Variants in SLC28A2 observed in about 807,000 individuals in gnomAD.
The protein encoded by SLC28A2 is sodium/nucleoside cotransporter 2.
Under a neutral mutation model 72.9 loss-of-function variants are expected in SLC28A2, and 69 were observed. The observed-to-expected ratio is 0.95, with a 90% CI of 0.78 to 1.16. The LOEUF is 1.16. Among genes scored for constraint, SLC28A2 ranks in the 50% most tolerant of loss-of-function variants. The pLI is 0.00. For missense variants in SLC28A2, 745 were observed against 791.1 expected, an observed-to-expected ratio of 0.94 and a Z score of 0.70; for synonymous variants, 296 against 294.1, an observed-to-expected ratio of 1.01 and a Z score of -0.07.
chr15:45,275,162 C>T lies in SLC28A2; in HGVS notation c.1860-234C>T, dbSNP rs544388938. On this transcript the variant is annotated intron_variant, in intron 17 of 17. Transcript: ENST00000347644. ...GGATATCTGGAAATTTCCAAATGGACTATGGTTAGGAGTTGCGCAAAGGAA... is the reference window on the plus strand; with the variant it reads ...GGATATCTGGAAATTTCCAAATGGATTATGGTTAGGAGTTGCGCAAAGGAA... Among the ~76,000 whole-genome samples, 3 of 152,226 alleles carry T rather than the reference C, an allele frequency of 2.0e-5. No homozygotes were observed. In the South Asian group the frequency reaches 6.2e-4, roughly 32 times the overall value.
At position 45,275,671 on chromosome 15, in the gene SLC28A2, C is replaced by G. The variant is rs1168139896; in HGVS notation, c.*158C>G. The G allele has an allele frequency of 4.7e-6, 3 of 638,720 alleles. No homozygotes were observed. The South Asian group carries it at 5.6e-5, about 12-fold the overall frequency. 39.6% of individuals were successfully genotyped at this position (638,720 alleles called of 1,614,324 possible). On this transcript the variant is annotated 3_prime_UTR_variant, in exon 18 of 18. Coordinates refer to ENST00000347644, the MANE Select transcript of SLC28A2 (RefSeq NM_004212.4). ...TCATTTTGGGCCGGGCTCAGTGGCT[C>G]ATGCCTGTAATCCCAGCACTTTGGG... is the stretch of plus-strand genomic sequence containing the variant.
At chr15:45,271,616 G>GGAAGGAAGGAAGGAAT (rs1220303624) in intron 15 of SLC28A2, among the ~76,000 whole-genome samples, 18 of 151,118 alleles carry the variant, frequency 1.2e-4, no homozygotes, top group African/African-American at 4.4e-4. Flanking sequence ...AAGGAAGGAA[G>GGAAGGAAGGAAGGAAT]GAATCTTAGA....
At chr15:45,272,139 T>C in intron 15 of SLC28A2, 156 bp from the exon 16 acceptor site, 2 of 611,868 alleles carry the variant, frequency 3.3e-6, no homozygotes, top group South Asian at 4.0e-5. Context: ...ACACACTTCT[T>C]AGGGCAACAC....
At chr15:45,263,293 C>T (rs1256794532) in intron 5 of SLC28A2, 49 bp downstream of exon 5, 3 of 1,559,968 alleles carry the variant, frequency 1.9e-6, no homozygotes, top group Non-Finnish European at 2.6e-6. Flanking sequence ...CCCAGCCCAC[C>T]TCCTTTTTTC....
At chr15:45,262,855 G>C (rs1322928497) in intron 4 of SLC28A2, among the ~76,000 whole-genome samples, 1 of 152,224 alleles carries the variant, frequency 6.6e-6, no homozygotes, top group African/African-American at 2.4e-5. Flanking sequence ...CATTAAGTCA[G>C]ACTGTCCTTG....
At chr15:45,274,964 G>T (rs1900704448) in intron 17 of SLC28A2, among the ~76,000 whole-genome samples, 2 of 152,070 alleles carry the variant, frequency 1.3e-5, no homozygotes, top group Admixed American at 1.3e-4. Context: ...TGGCATTTTG[G>T]TGGATTTTCT....
chr15:45,276,818 A>G lies in SLC28A2; in HGVS notation c.*1305A>G, dbSNP rs1900767910. On this transcript the variant is annotated 3_prime_UTR_variant, in exon 18 of 18. Coordinates refer to ENST00000347644, the MANE Select transcript of SLC28A2 (RefSeq NM_004212.4). Reference sequence around the variant, plus strand: ...TTTGTAAATCTGCAAACTTCTTAACAACATTACACAGTAAACAAAAAATAC... The same window carrying G: ...TTTGTAAATCTGCAAACTTCTTAACGACATTACACAGTAAACAAAAAATAC... 6.6e-6 allele frequency: 1 copy of G among 152,226 alleles called. No homozygotes were observed. The highest frequency in any genetic ancestry group is 2.4e-5 in the African/African-American group (1 of 41,454). 9.4% of individuals were successfully genotyped at this position (152,226 alleles called of 1,614,324 possible). A position where few individuals can be genotyped will look rare whatever the true frequency, so the allele number is the denominator to read the frequency against.
intron 16 of SLC28A2, 107 bp downstream of exon 16, chr15:45,272,500 C>G (rs1900606738): frequency 1.1e-6 from 1 of 920,522 alleles, no homozygotes. Flanking sequence ...ACAAAGATTA[C>G]TTCCCTAGAT....
chr15:45,266,359 G>A (rs968058661), intron 10 of SLC28A2, among the ~76,000 whole-genome samples, 198 bp downstream of exon 10: 4 of 152,060 alleles, frequency 2.6e-5, no homozygotes, highest in African/African-American at 9.7e-5. Context: ...ATACTTCCCT[G>A]GTAATACTTA....
intron 17 of SLC28A2, among the ~76,000 whole-genome samples, chr15:45,274,807 C>T (rs114268483): frequency 0.034 from 5,120 of 151,238 alleles, 306 homozygotes; most frequent in African/African-American, 0.12. Context: ...TGCAGTGGCA[C>T]AATCTTGGCC....
intron 15 of SLC28A2, 22 bp downstream of exon 15, chr15:45,270,298 G>C: frequency 6.5e-7 from 1 of 1,546,842 alleles, no homozygotes; most frequent in Non-Finnish European, 8.9e-7. Context: ...CATTTTCCCA[G>C]CTCCCCAGTA....
At chr15:45,273,195 T>C (rs1313058566) in intron 17 of SLC28A2, among the ~76,000 whole-genome samples, 5 of 152,158 alleles carry the variant, frequency 3.3e-5, no homozygotes, top group Non-Finnish European at 7.3e-5. Flanking sequence ...AAATTACTTA[T>C]TGTGATTGGA....
chr15:45,272,142 G>A (rs1900592227), intron 15 of SLC28A2, 153 bp from the exon 16 acceptor site: 2 of 617,042 alleles, frequency 3.2e-6, no homozygotes, highest in Admixed American at 5.5e-5. Flanking sequence ...CACTTCTTAG[G>A]GCAACACTGG....
At position 45,263,125 on chromosome 15, in the gene SLC28A2, C is replaced by G; in HGVS notation, c.327C>G (p.Val109=). 6.2e-7 allele frequency: 1 copy of G among 1,613,960 alleles called. No homozygotes were observed. Among genetic ancestry groups the G allele is most frequent in the Non-Finnish European group, 8.5e-7 (1 of 1,179,856 alleles). ...LNFQRALALF[V]ITCLVIFVLV... ...TCCAGAGGGCACTGGCCTTGTTTGTCATCACCTGCTTGGTGATCTTTGTCC... is the reference window on the plus strand; with the variant it reads ...TCCAGAGGGCACTGGCCTTGTTTGTGATCACCTGCTTGGTGATCTTTGTCC... The change falls in exon 5 of 18, where the codon GTC becomes GTG. Residue 109 remains valine (V), a synonymous_variant. Transcript: ENST00000347644.
chr15:45,273,979 T>TG (rs1900671495), intron 17 of SLC28A2, among the ~76,000 whole-genome samples: 1 of 152,064 alleles, frequency 6.6e-6, no homozygotes, highest in Non-Finnish European at 1.5e-5. Context: ...TGTATTGAGA[T>TG]GGGGTCTCAC....
In SLC28A2 at chr15:45,264,372, T is replaced by C. The variant is rs1160930175; in HGVS notation, c.589-283T>C. ...CGCAGTGCAGATAGTACTGTTAAAA[T>C]ATTGATTTATAAAACTTTTATTTGT... On this transcript the variant is annotated intron_variant, in intron 6 of 17. Coordinates refer to ENST00000347644, the MANE Select transcript of SLC28A2 (RefSeq NM_004212.4). Among the ~76,000 whole-genome samples, 82 of 152,308 alleles carry C rather than the reference T, an allele frequency of 5.4e-4. 1 individual carries two copies. Among genetic ancestry groups the C allele is most frequent in the Non-Finnish European group, 8.8e-5 (6 of 68,028 alleles).
intron 3 of SLC28A2, among the ~76,000 whole-genome samples, chr15:45,257,045 T>G (rs1013328636): frequency 6.6e-6 from 1 of 152,220 alleles, no homozygotes; most frequent in South Asian, 2.1e-4. Flanking sequence ...CACCCTATGC[T>G]CTAGTGAAAG....
intron 3 of SLC28A2, chr15:45,255,303 T>C (rs1330782441): frequency 6.6e-6 from 1 of 150,602 alleles, no homozygotes; most frequent in East Asian, 1.9e-4. Context: ...AGTTTTGCAA[T>C]GAATGTTGGT....
chr15:45,261,910 T>G, intron 3 of SLC28A2, 105 bp from the exon 4 acceptor site: 1 of 783,516 alleles, frequency 1.3e-6, no homozygotes, highest in South Asian at 1.5e-5. Flanking sequence ...CTTCATTGAC[T>G]AAGAGCTAAT....
Sources: allele counts gnomAD v4.1 joint callset (sites outside exome capture counted in the v4.1 genomes callset), GRCh38; gene constraint gnomAD v4.1.1; transcripts MANE v1.5; gene names NCBI Gene and HGNC (gene_info 2026-07-23, HGNC 2026-07-21).